HERC1: variants seen among roughly 807,000 people sequenced by gnomAD.
HERC1 encodes the protein probable E3 ubiquitin-protein ligase HERC1.
Under a neutral mutation model 554.3 loss-of-function variants are expected in HERC1, and 160 were observed. The ratio of observed to expected loss-of-function variants is 0.29; its 90% confidence interval spans 0.25 to 0.33. HERC1 has a LOEUF of 0.33. HERC1 is among the 10% of genes least tolerant of loss of function. The pLI is 1.00. For missense variants in HERC1, 4,919 were observed against 5,918.5 expected, an observed-to-expected ratio of 0.83 and a Z score of 5.54; for synonymous variants, 2,175 against 2,131.7, an observed-to-expected ratio of 1.02 and a Z score of -0.56.
rs2072166228 is a variant in HERC1, at chr15:63,692,499, A to G, written c.5742T>C (p.Val1914=). ...LGDFLVFLRR[V]VSSKAIQSKM... ...TTGATTGAATTGCTTTTGAAGATACAACTCTGCGAAGAAAAACTAAAAAAT... is the reference window on the plus strand; with the variant it reads ...TTGATTGAATTGCTTTTGAAGATACGACTCTGCGAAGAAAAACTAAAAAAT... The change falls in exon 31 of 78, where the codon GTT becomes GTC. Residue 1914 remains valine, a synonymous_variant. Coordinates refer to ENST00000443617, the MANE Select transcript of HERC1 (RefSeq NM_003922.4). This position sits in a 1 kb window ranked among gnomAD's most constrained non-coding sequence, Gnocchi z 4.7. The G allele has an allele frequency of 3.1e-6, 5 of 1,613,448 alleles. No homozygotes were observed. Among genetic ancestry groups the G allele is most frequent in the Non-Finnish European group, 3.4e-6 (4 of 1,179,754 alleles).
chr15:63,656,111 G>A lies in HERC1; in HGVS notation c.9847C>T (p.Leu3283=), dbSNP rs771682229. The change falls in exon 49 of 78, where the codon CTG becomes TTG. Residue 3283 remains leucine, a synonymous_variant. Transcript: ENST00000443617. ...LASNAPSAAK[L]LVQLCTQNLI... Reference sequence around the variant, plus strand: ...ACCTGTGTACACAACTGTACAAGCAGTTTGGCAGCACTAGGAGCATTTGAT... The same window carrying A: ...ACCTGTGTACACAACTGTACAAGCAATTTGGCAGCACTAGGAGCATTTGAT... 6 of 1,612,788 alleles carry A rather than the reference G, an allele frequency of 3.7e-6. No homozygotes were observed. Among genetic ancestry groups the A allele is most frequent in the Admixed American group, 3.3e-5 (2 of 59,842 alleles).
chr15:63,654,179 A>G lies in HERC1; in HGVS notation c.10230T>C (p.Ala3410=), dbSNP rs748207599. ...ATTTTCTAAGATCTCCTCCCATATC[A>G]GCAAGTGTCTGCAGAGTAGTTTGGT... ...RDNQTTLQTL[A]DMGGDLRKCS... Residue 3410 remains alanine, a synonymous_variant, in exon 51 of 78, where the codon GCT becomes GCC. Coordinates refer to ENST00000443617, the MANE Select transcript of HERC1 (RefSeq NM_003922.4). The G allele has an allele frequency of 1.1e-5, 17 of 1,613,934 alleles. No individual in the cohort carries two copies. Among genetic ancestry groups the G allele is most frequent in the Non-Finnish European group, 1.4e-5 (17 of 1,179,884 alleles).
intron 44 of HERC1, among the ~76,000 whole-genome samples, chr15:63,662,315 T>A (rs1167856217): frequency 6.0e-5 from 9 of 149,128 alleles, no homozygotes; most frequent in African/African-American, 1.7e-4. Context: ...TGAGGCTTTT[T>A]AAAAAAAAAA....
At chr15:63,833,749 G>GCACACACACACACACACACA (rs1206350552) in intron 1 of HERC1, 78 bp downstream of exon 1, 1 of 28,474 alleles carries the variant, frequency 3.5e-5, no homozygotes, top group African/African-American at 1.3e-4. Context: ...ACACACGCGC[G>GCACACACACACACACACACA]CGCGCACACA....
chr15:63,777,479 G>A (rs575043691), intron 1 of HERC1, among the ~76,000 whole-genome samples: 29 of 152,158 alleles, frequency 1.9e-4, no homozygotes, highest in Non-Finnish European at 4.3e-4. Context: ...AGCTGTACAG[G>A]GATACGTTGT....
At chr15:63,811,398 T>A (rs1256968577) in intron 1 of HERC1, among the ~76,000 whole-genome samples, 1 of 152,132 alleles carries the variant, frequency 6.6e-6, no homozygotes, top group African/African-American at 2.4e-5. Flanking sequence ...AATTTGTGAA[T>A]CTAGGTGAAA....
chr15:63,788,745 C>T (rs565352647), intron 1 of HERC1, among the ~76,000 whole-genome samples: 41 of 151,620 alleles, frequency 2.7e-4, no homozygotes, highest in African/African-American at 9.2e-4. Flanking sequence ...GGTGAAGCCC[C>T]GTCTCTACTA....
chr15:63,700,429 C>T (rs1228141190), intron 25 of HERC1, among the ~76,000 whole-genome samples: 3 of 151,900 alleles, frequency 2.0e-5, no homozygotes, highest in Non-Finnish European at 4.4e-5. Flanking sequence ...CTAATGCCCA[C>T]AGAGAAAACA....
intron 31 of HERC1, among the ~76,000 whole-genome samples, chr15:63,691,002 G>A (rs959864902): frequency 6.6e-6 from 1 of 152,168 alleles, no homozygotes; most frequent in African/African-American, 2.4e-5. Flanking sequence ...GAGAAGTTAT[G>A]TAACTTGACC....
At chr15:63,686,051 A>G (rs898610013) in intron 34 of HERC1, among the ~76,000 whole-genome samples, 12 of 152,058 alleles carry the variant, frequency 7.9e-5, no homozygotes, top group African/African-American at 2.9e-4. Flanking sequence ...AAAACATCAC[A>G]CGCTTTGCTT....
At chr15:63,646,836 AAAAAC>A (rs1452886149) in intron 55 of HERC1, among the ~76,000 whole-genome samples, 4 of 35,440 alleles carry the variant, frequency 1.1e-4, no homozygotes, top group African/African-American at 3.6e-4. Context: ...AAACAAAAAC[AAAAAC>A]AAAACAAAAC....
chr15:63,727,539 T>A lies in HERC1; in HGVS notation c.3346+108A>T, dbSNP rs922408251. The A allele has an allele frequency of 1.0e-5, 7 of 675,260 alleles. No homozygotes were observed. Among genetic ancestry groups the A allele is most frequent in the African/African-American group, 1.8e-5 (1 of 55,694 alleles). 41.8% of individuals were successfully genotyped at this position (675,260 alleles called of 1,614,324 possible). A position where few individuals can be genotyped will look rare whatever the true frequency, so the allele number is the denominator to read the frequency against. On this transcript the variant is annotated intron_variant, in intron 17 of 77. Transcript: ENST00000443617. The surrounding 1 kb of genome is among the most constrained non-coding windows in gnomAD (Gnocchi z 4.3). ...TTTAAGATTTCAGTGATGAAATTCC[T>A]TTGATAGCCTTAGGATAGATAGACT...
rs1456694299 is a variant in HERC1, at chr15:63,690,117, C to T, written c.5938-418G>A. The stretch of plus-strand genomic sequence containing the variant: ...GGCGGAGGCTGCAGTGAGCTGAGAT[C>T]GCGCCACTGCACTCACTCCAGGCTG... On this transcript the variant is annotated intron_variant, in intron 32 of 77. Coordinates refer to ENST00000443617, the MANE Select transcript of HERC1 (RefSeq NM_003922.4). Among the ~76,000 whole-genome samples the T allele has an allele frequency of 4.0e-5, 6 of 149,644 alleles. No homozygotes were observed. In the East Asian group the frequency reaches 7.9e-4, roughly 20 times the overall value.
In HERC1 at chr15:63,696,278, C is replaced by T. The variant is rs780102428; in HGVS notation, c.4967G>A (p.Ser1656Asn). ...CAATCTGCTTCCTGCCAGTGAGATG[C>T]TACCTTTTTCTTCCATCCCAGACAA... ...VLLSGMEEKG[S>N]ISLAGSRLSS... Residue 1656 changes from serine (S) to asparagine (N), a missense_variant, in exon 27 of 78, where the codon AGC (serine) becomes AAC (asparagine). This residue lies in a region of HERC1 where 1,121 missense variants were observed against 1,244.0 expected (regional missense o/e 0.90). Transcript: ENST00000443617. The T allele has an allele frequency of 2.7e-5, 43 of 1,613,340 alleles. No homozygotes were observed. In the Middle Eastern group the frequency reaches 8.2e-4, roughly 31 times the overall value.
At chr15:63,794,588 G>C (rs1254793104) in intron 1 of HERC1, among the ~76,000 whole-genome samples, 1 of 152,140 alleles carries the variant, frequency 6.6e-6, no homozygotes, top group Non-Finnish European at 1.5e-5. Flanking sequence ...AAAAGACACA[G>C]ATCACTTTGG....
chr15:63,636,463 GT>G, intron 64 of HERC1, among the ~76,000 whole-genome samples: 1 of 152,008 alleles, frequency 6.6e-6, no homozygotes, highest in Non-Finnish European at 1.5e-5. Context: ...CAGAGACAGG[GT>G]TTTACCATGC....
intron 1 of HERC1, among the ~76,000 whole-genome samples, chr15:63,811,753 G>A (rs1244939392): frequency 6.8e-6 from 1 of 146,722 alleles, no homozygotes; most frequent in African/African-American, 2.5e-5. Flanking sequence ...AGCTTGCAGT[G>A]AGCCGAGATC....
At chr15:63,661,285 C>G (rs751516933) in intron 45 of HERC1, among the ~76,000 whole-genome samples, 13 of 152,118 alleles carry the variant, frequency 8.5e-5, no homozygotes, top group Admixed American at 3.3e-4. Context: ...AAATTCTATT[C>G]CATAAAGCCT....
chr15:63,770,584 CTCATA>C (rs1219040161), intron 2 of HERC1, among the ~76,000 whole-genome samples: 13 of 152,340 alleles, frequency 8.5e-5, no homozygotes, highest in African/African-American at 2.9e-4. Context: ...CTTCCCTATT[CTCATA>C]TAAGTTAATG....
Sources: gnomAD v4.1 joint callset for allele counts (sites outside exome capture counted in the v4.1 genomes callset) on GRCh38, gnomAD v4.1.1 for gene constraint, gnomAD v4.1.1 regional missense constraint, Gnocchi (gnomAD v3.1) non-coding constraint, MANE v1.5 for transcripts, NCBI Gene and HGNC (gene_info 2026-07-23, HGNC 2026-07-21) for gene names.